CCDC171: variants seen among roughly 807,000 people sequenced by gnomAD.
CCDC171 encodes the protein coiled-coil domain-containing protein 171.
In CCDC171, 177 loss-of-function variants were observed where a neutral mutation model predicts 168.2. That is an observed-to-expected ratio of 1.05 (90% CI 0.93 to 1.19). The LOEUF (loss-of-function observed/expected upper bound fraction) is 1.19. Ranked by LOEUF, CCDC171 falls within the 50% of genes most tolerant of loss-of-function variation. The pLI, the probability that CCDC171 is intolerant of heterozygous loss-of-function variation, is 0.00. For synonymous variants in CCDC171, 687 were observed against 540.8 expected (o/e 1.27, Z -3.75); for missense variants, 1,991 against 1,539.0 (o/e 1.29, Z -4.91).
intron 3 of CCDC171, among the ~76,000 whole-genome samples, chr9:15,979,051 G>A (rs1481386254): frequency 4.6e-5 from 7 of 151,992 alleles, no homozygotes; most frequent in Non-Finnish European, 8.8e-5. Flanking sequence ...TTGTTCATAC[G>A]GTACCGTGTA....
intron 3 of CCDC171, among the ~76,000 whole-genome samples, chr9:15,983,265 G>T (rs1441994010): frequency 6.6e-6 from 1 of 151,868 alleles, no homozygotes; most frequent in Non-Finnish European, 1.5e-5. Flanking sequence ...ATGAAATTCA[G>T]CCACAGAGAA....
At chr9:16,065,809 G>GGTGTGTGTGTGTGT (rs113107786), downstream of CCDC171, among the ~76,000 whole-genome samples, 626 of 144,328 alleles carry the variant, frequency 4.3e-3, 4 homozygotes, top group East Asian at 0.019. Flanking sequence ...TTGTGTGCAT[G>GGTGTGTGTGTGTGT]GTGTGTGTGT....
chr9:15,898,555 C>A (rs1984246), intron 24 of CCDC171, among the ~76,000 whole-genome samples: 65,312 of 151,914 alleles, frequency 0.43, 14,418 homozygotes, highest in East Asian at 0.73. Context: ...TGCCTTTGCC[C>A]GCTAAATCAG....
chr9:15,583,004 G>T (rs1563983830), intron 4 of CCDC171, among the ~76,000 whole-genome samples: 1 of 151,380 alleles, frequency 6.6e-6, no homozygotes, highest in Non-Finnish European at 1.5e-5. Context: ...TCTTCCCAGA[G>T]GAAAAGAAGT....
chr9:15,954,172 A>C (rs370854478), intron 25 of CCDC171, among the ~76,000 whole-genome samples: 1 of 112,782 alleles, frequency 8.9e-6, no homozygotes. Flanking sequence ...TTTAGTCTTT[A>C]TTTTGTTTAT....
chr9:16,086,433 A>G, the CCDC171 span, among the ~76,000 whole-genome samples: 3 of 150,858 alleles, frequency 2.0e-5, no homozygotes, highest in African/African-American at 7.3e-5. Context: ...TCAGCCTCCC[A>G]AGTAGCTGGG....
At chr9:15,839,905 A>G (rs2060605256) in intron 21 of CCDC171, among the ~76,000 whole-genome samples, 2 of 152,090 alleles carry the variant, frequency 1.3e-5, no homozygotes, top group Non-Finnish European at 2.9e-5. Context: ...AAAACTCAAA[A>G]CTTTGTTTTA....
chr9:16,083,855 G>A, the CCDC171 span, among the ~76,000 whole-genome samples: 3 of 152,156 alleles, frequency 2.0e-5, no homozygotes, highest in Admixed American at 6.5e-5. Context: ...TCAAGAACTC[G>A]CTGAGTTAAC....
intron 2 of CCDC171, among the ~76,000 whole-genome samples, chr9:15,569,831 CA>C (rs1563957468): frequency 1.8e-5 from 2 of 111,882 alleles, no homozygotes; most frequent in African/African-American, 3.2e-5. Context: ...AAACAAAAAA[CA>C]AAAAACAAAC....
the CCDC171 span, among the ~76,000 whole-genome samples, chr9:16,082,655 G>A: frequency 7.2e-5 from 11 of 152,238 alleles, no homozygotes; most frequent in East Asian, 3.9e-4. Context: ...GAGAGTGTAC[G>A]CATGTGTATG....
chr9:15,602,647 C>CTTTTTTT (rs1161286304), intron 6 of CCDC171, among the ~76,000 whole-genome samples: 12 of 30,458 alleles, frequency 3.9e-4, no homozygotes, highest in South Asian at 1.5e-3. Flanking sequence ...TTTTTTTTTT[C>CTTTTTTT]TTTTTTTTTT....
chr9:15,607,280 A>G (rs1451752792), intron 6 of CCDC171, among the ~76,000 whole-genome samples: 3 of 152,146 alleles, frequency 2.0e-5, no homozygotes, highest in African/African-American at 4.8e-5. Context: ...ATTGAAGACA[A>G]TTCTGAGTCA....
chr9:15,714,772 T>G (rs1370241643), intron 11 of CCDC171, among the ~76,000 whole-genome samples: 1 of 152,226 alleles, frequency 6.6e-6, no homozygotes, highest in Non-Finnish European at 1.5e-5. Flanking sequence ...GGACTAATTC[T>G]TCCTTTTTTG....
At chr9:15,932,554 A>T (rs1414899556) in intron 25 of CCDC171, among the ~76,000 whole-genome samples, 1 of 151,974 alleles carries the variant, frequency 6.6e-6, no homozygotes, top group African/African-American at 2.4e-5. Flanking sequence ...GCTTTCTGCA[A>T]ACAGAGACAA....
At chr9:15,817,671 T>C (rs2059612190) in intron 21 of CCDC171, among the ~76,000 whole-genome samples, 1 of 118,442 alleles carries the variant, frequency 8.4e-6, no homozygotes, top group Admixed American at 7.9e-5. Context: ...TTGCTGAGGC[T>C]TGAGTAGGTA....
At chr9:16,019,615 A>G (rs1589331151) in intron 3 of CCDC171, among the ~76,000 whole-genome samples, 2 of 152,192 alleles carry the variant, frequency 1.3e-5, no homozygotes, top group South Asian at 4.2e-4. Flanking sequence ...GGTTAGAGAA[A>G]TCTCACCTTT....
intron 18 of CCDC171, among the ~76,000 whole-genome samples, chr9:15,759,239 A>G (rs1361583515): frequency 6.6e-6 from 1 of 152,186 alleles, no homozygotes; most frequent in Non-Finnish European, 1.5e-5. Context: ...CTTACAGAAA[A>G]GTGGCAAGTA....
intron 1 of CCDC171, among the ~76,000 whole-genome samples, chr9:16,060,088 T>C (rs547885732): frequency 6.6e-6 from 1 of 152,326 alleles, no homozygotes; most frequent in South Asian, 2.1e-4. Flanking sequence ...CATGTAAATG[T>C]ATATGTATGT....
At position 15,973,492 on chromosome 9, in the gene CCDC171, C is replaced by G. The variant is rs1000142255; in HGVS notation, c.*1656C>G. ...ATTACTGTCGTACTGTGTAACACAT[C>G]CTATTCTTGTAATACTGAACCACTA... On this transcript the variant is annotated 3_prime_UTR_variant, in exon 26 of 26. Coordinates refer to ENST00000380701, the MANE Select transcript of CCDC171 (RefSeq NM_173550.4). 1 of 152,058 alleles carries G rather than the reference C, an allele frequency of 6.6e-6. No individual in the cohort carries two copies. Among genetic ancestry groups the G allele is most frequent in the African/African-American group, 2.4e-5 (1 of 41,408 alleles). The allele number at this position is 152,058 out of a possible 1,614,324, so 9.4% of individuals were successfully genotyped here. A position where few individuals can be genotyped will look rare whatever the true frequency, so the allele number is the denominator to read the frequency against.
Sources: gnomAD v4.1 joint callset for allele counts (sites outside exome capture counted in the v4.1 genomes callset) on GRCh38, gnomAD v4.1.1 for gene constraint, MANE v1.5 for transcripts, NCBI Gene and HGNC (gene_info 2026-07-23, HGNC 2026-07-21) for gene names.